Variants in CACNB2 observed in about 807,000 individuals in gnomAD.
CACNB2 encodes the protein voltage-dependent L-type calcium channel subunit beta-2.
Under a neutral mutation model 73.3 loss-of-function variants are expected in CACNB2, and 42 were observed. The observed-to-expected ratio is 0.57, with a 90% confidence interval of 0.45 to 0.74. CACNB2 has a LOEUF of 0.74. Ranked by LOEUF, CACNB2 falls within the 30% of genes least tolerant of loss-of-function variation. CACNB2 has a pLI of 0.00. For synonymous variants in CACNB2, 348 were observed against 310.3 expected, an observed-to-expected ratio of 1.12 and a Z score of -1.28; for missense variants, 940 against 853.0, an observed-to-expected ratio of 1.10 and a Z score of -1.27.
intron 2 of CACNB2, among the ~76,000 whole-genome samples, chr10:18,153,834 G>A (rs1013887805): frequency 2.7e-5 from 4 of 148,006 alleles, no homozygotes; most frequent in Non-Finnish European, 5.9e-5. Context: ...CGCCCACCTT[G>A]GTGTGCCAAA....
At chr10:18,431,712 A>G (rs1431310776) in intron 3 of CACNB2, among the ~76,000 whole-genome samples, 1 of 152,202 alleles carries the variant, frequency 6.6e-6, no homozygotes, top group Non-Finnish European at 1.5e-5. Context: ...AACAAAATGG[A>G]TAAGCATGGA....
chr10:18,483,067 G>C (rs1400626551), intron 3 of CACNB2, among the ~76,000 whole-genome samples: 1 of 152,140 alleles, frequency 6.6e-6, no homozygotes, highest in African/African-American at 2.4e-5. Flanking sequence ...TCTCAACACT[G>C]AAGCAAGGGC....
chr10:18,450,372 C>T (rs887432595), intron 3 of CACNB2, among the ~76,000 whole-genome samples: 9 of 151,912 alleles, frequency 5.9e-5, no homozygotes, highest in Admixed American at 1.3e-4. Flanking sequence ...TGCATTGTAC[C>T]TGATCACCTA....
At chr10:18,466,363 A>G (rs906680977) in intron 3 of CACNB2, among the ~76,000 whole-genome samples, 2 of 152,100 alleles carry the variant, frequency 1.3e-5, no homozygotes, top group East Asian at 3.9e-4. Context: ...AGCCTTCTGC[A>G]TAGCTGGGAC....
intron 3 of CACNB2, among the ~76,000 whole-genome samples, chr10:18,426,886 T>C (rs2045626298): frequency 6.6e-6 from 1 of 152,084 alleles, no homozygotes; most frequent in Non-Finnish European, 1.5e-5. Flanking sequence ...TTCTTCTATT[T>C]CTAGTTTGCT....
chr10:18,314,341 T>G (rs568393684), intron 2 of CACNB2, among the ~76,000 whole-genome samples: 1 of 152,344 alleles, frequency 6.6e-6, no homozygotes, highest in African/African-American at 2.4e-5. Context: ...AGTTGAATTG[T>G]TCATTTTGGA....
rs545767875 is a variant in CACNB2, at chr10:18,362,286, C to T, written c.214-39638C>T. ...AACATTTTCAACTTAATTTGTATTTCTAAAAAGTCATGATGAATTTTGTTT... is the reference window on the plus strand; with the variant it reads ...AACATTTTCAACTTAATTTGTATTTTTAAAAAGTCATGATGAATTTTGTTT... On this transcript the variant is annotated intron_variant, in intron 2 of 13. Transcript: ENST00000324631. 5.9e-5 allele frequency among the ~76,000 whole-genome samples: 9 copies of T among 152,188 alleles called. No individual in the cohort carries two copies. The South Asian group carries it at 1.7e-3, about 28-fold the overall frequency.
intron 2 of CACNB2, chr10:18,341,082 T>A: frequency 8.3e-7 from 1 of 1,200,470 alleles, no homozygotes; most frequent in Non-Finnish European, 1.2e-6. Context: ...ACTAGTTACT[T>A]AACTTTTTAG....
At chr10:18,249,547 G>A in intron 2 of CACNB2, among the ~76,000 whole-genome samples, 1 of 152,042 alleles carries the variant, frequency 6.6e-6, no homozygotes, top group African/African-American at 2.4e-5. Flanking sequence ...TCTTGACTCT[G>A]TCCCCCCAAT....
chr10:18,331,739 T>C (rs2040816191), intron 2 of CACNB2, among the ~76,000 whole-genome samples: 1 of 152,094 alleles, frequency 6.6e-6, no homozygotes, highest in African/African-American at 2.4e-5. Context: ...CTTAGCCAGT[T>C]AGTTAATGGC....
At chr10:18,145,806 C>T (rs1205497100) in intron 1 of CACNB2, among the ~76,000 whole-genome samples, 1 of 152,142 alleles carries the variant, frequency 6.6e-6, no homozygotes, top group Non-Finnish European at 1.5e-5. Context: ...CTACTTATGA[C>T]ATCACTTAAA....
chr10:18,225,720 A>T (rs1338419693), intron 2 of CACNB2, among the ~76,000 whole-genome samples: 1 of 151,516 alleles, frequency 6.6e-6, no homozygotes, highest in Non-Finnish European at 1.5e-5. Context: ...GCTCACGGCA[A>T]CCTCCACCTC....
chr10:18,238,272 C>G (rs2036524248), intron 2 of CACNB2: 1 of 152,168 alleles, frequency 6.6e-6, no homozygotes, highest in African/African-American at 2.4e-5. Flanking sequence ...TTGTGAAACT[C>G]TTCCAGTTCT....
intron 1 of CACNB2, among the ~76,000 whole-genome samples, chr10:18,142,385 G>C (rs1408837086): frequency 6.6e-6 from 1 of 152,200 alleles, no homozygotes; most frequent in Non-Finnish European, 1.5e-5. Context: ...TCTGGCCTCT[G>C]CCAGAGGATC....
chr10:18,377,283 G>T (rs1295840417), intron 2 of CACNB2, among the ~76,000 whole-genome samples: 1 of 152,202 alleles, frequency 6.6e-6, no homozygotes, highest in Non-Finnish European at 1.5e-5. Flanking sequence ...ATAGAAAGAA[G>T]AATTGGAGTA....
chr10:18,273,293 T>C (rs1486581262), intron 2 of CACNB2, among the ~76,000 whole-genome samples: 1 of 151,934 alleles, frequency 6.6e-6, no homozygotes. Flanking sequence ...TGATCGGCTC[T>C]CTCACCATGC....
intron 2 of CACNB2, chr10:18,238,317 G>C (rs1294769871): frequency 6.6e-6 from 1 of 152,110 alleles, no homozygotes; most frequent in Non-Finnish European, 1.5e-5. Flanking sequence ...CAAAGCTTTT[G>C]ATAGCAAGTA....
At chr10:18,322,075 G>A (rs969777787) in intron 2 of CACNB2, among the ~76,000 whole-genome samples, 1 of 152,122 alleles carries the variant, frequency 6.6e-6, no homozygotes, top group Non-Finnish European at 1.5e-5. Context: ...AGGATCTCTT[G>A]AGCCCAGGAG....
chr10:18,535,823 TTAAA>T (rs1421395978), intron 11 of CACNB2, among the ~76,000 whole-genome samples: 2 of 152,134 alleles, frequency 1.3e-5, no homozygotes, highest in Non-Finnish European at 2.9e-5. Flanking sequence ...TTGTGAATTT[TTAAA>T]TAAATGTTTT....
Sources: allele counts gnomAD v4.1 joint callset (sites outside exome capture counted in the v4.1 genomes callset), GRCh38; gene constraint gnomAD v4.1.1; transcripts MANE v1.5; gene names NCBI Gene and HGNC (gene_info 2026-07-23, HGNC 2026-07-21).